The following RFX3 variants were observed in gnomAD, a reference collection of about 807,000 sequenced individuals.
The protein encoded by RFX3 is regulatory factor X3, also known as transcription factor RFX3.
In RFX3, 14 loss-of-function variants were observed where a neutral mutation model predicts 98.6. The observed-to-expected ratio is 0.14, with a 90% CI of 0.09 to 0.22. The LOEUF (loss-of-function observed/expected upper bound fraction) is 0.22, where lower values mean the gene tolerates loss of function less well. RFX3 is among the 10% of genes least tolerant of loss of function. The pLI is 1.00. For missense variants in RFX3, 639 were observed against 926.9 expected, an observed-to-expected ratio of 0.69 and a Z score of 4.03; for synonymous variants, 383 against 328.4, an observed-to-expected ratio of 1.17 and a Z score of -1.80.
chr9:3,367,843 TAAA>T (rs2131505499), intron 2 of RFX3, among the ~76,000 whole-genome samples: 1 of 152,306 alleles, frequency 6.6e-6, no homozygotes, highest in African/African-American at 2.4e-5. Context: ...AATTGAAAAC[TAAA>T]AATATCAAAG....
intron 1 of RFX3, among the ~76,000 whole-genome samples, chr9:3,425,277 T>C (rs1843903756): frequency 6.6e-6 from 1 of 152,216 alleles, no homozygotes; most frequent in Middle Eastern, 3.2e-3. Context: ...AATGATTCCC[T>C]ACTACGTGGC....
chr9:3,319,749 G>A (rs1831038346), intron 4 of RFX3, among the ~76,000 whole-genome samples: 1 of 151,918 alleles, frequency 6.6e-6, no homozygotes, highest in Admixed American at 6.6e-5. Context: ...TTTCAGTGCA[G>A]GAACTAGCTC....
intron 1 of RFX3, among the ~76,000 whole-genome samples, chr9:3,507,045 A>T (rs879415466): frequency 6.6e-6 from 1 of 151,936 alleles, no homozygotes; most frequent in African/African-American, 2.4e-5. Context: ...CATTGTTTCT[A>T]CTAGAAAAAG....
At chr9:3,424,348 CTTTTTTTTTTTTT>C (rs748693786) in intron 1 of RFX3, among the ~76,000 whole-genome samples, 24 of 76,006 alleles carry the variant, frequency 3.2e-4, no homozygotes, top group East Asian at 3.8e-4. Flanking sequence ...ACATAATTGA[CTTTTTTTTTTTTT>C]TTTTTTTTTT....
At chr9:3,330,628 A>G (rs1179273256) in intron 3 of RFX3, 111 bp from the exon 4 acceptor site, 22 of 1,015,832 alleles carry the variant, frequency 2.2e-5, no homozygotes, top group East Asian at 1.0e-4. Flanking sequence ...CCTTTGCAAC[A>G]TGGCAAGTTT....
intron 2 of RFX3, among the ~76,000 whole-genome samples, chr9:3,378,853 G>A (rs1426450295): frequency 6.6e-6 from 1 of 152,040 alleles, no homozygotes; most frequent in Non-Finnish European, 1.5e-5. Context: ...ACCATGCCCG[G>A]CCTTCTTTCT....
At chr9:3,371,342 A>C (rs1241464360) in intron 2 of RFX3, among the ~76,000 whole-genome samples, 1 of 152,154 alleles carries the variant, frequency 6.6e-6, no homozygotes, top group Non-Finnish European at 1.5e-5. Context: ...ATTAATTCTT[A>C]CTCTTTAATT....
At chr9:3,277,667 T>C (rs1825411769) in intron 7 of RFX3, among the ~76,000 whole-genome samples, 1 of 151,918 alleles carries the variant, frequency 6.6e-6, no homozygotes, top group African/African-American at 2.4e-5. Flanking sequence ...AAGGGATGCA[T>C]GAAGGGGACC....
intron 15 of RFX3, among the ~76,000 whole-genome samples, chr9:3,238,757 G>C (rs1300834788): frequency 2.0e-5 from 3 of 152,144 alleles, no homozygotes; most frequent in African/African-American, 7.2e-5. Context: ...TCAGTCCGAG[G>C]CAGGCGGATC....
At chr9:3,297,559 A>AT (rs1828144470) in intron 5 of RFX3, among the ~76,000 whole-genome samples, 1 of 152,004 alleles carries the variant, frequency 6.6e-6, no homozygotes, top group Non-Finnish European at 1.5e-5. Flanking sequence ...AACATTTGTC[A>AT]TTTTTTCCCA....
Position 3,272,948 on chromosome 9 carries a change from A to G in RFX3, c.1087-1830T>C, listed in dbSNP as rs906234532. ...AAATGTGAAATATAATTAGGCAAGT[A>G]AAGAATTTCAGTGTATCTTAAATTC... is the stretch of plus-strand genomic sequence containing the variant. On this transcript the variant is annotated intron_variant, in intron 9 of 16. Coordinates refer to ENST00000617270, the MANE Select transcript of RFX3 (RefSeq NM_001282116.2). Among the ~76,000 whole-genome samples the G allele has an allele frequency of 9.8e-5, 15 of 152,326 alleles. No homozygotes were observed. The East Asian group carries it at 2.9e-3, about 29-fold the overall frequency.
At chr9:3,455,558 T>A (rs945823971) in intron 1 of RFX3, among the ~76,000 whole-genome samples, 8 of 152,178 alleles carry the variant, frequency 5.3e-5, no homozygotes, top group African/African-American at 1.9e-4. Context: ...GAGGTCAGTT[T>A]TTCTGTTTTT....
intron 1 of RFX3, among the ~76,000 whole-genome samples, chr9:3,407,847 A>C (rs1842098711): frequency 6.6e-6 from 1 of 152,158 alleles, no homozygotes; most frequent in Non-Finnish European, 1.5e-5. Flanking sequence ...AAATGATTGA[A>C]TCATGGAATA....
intron 2 of RFX3, among the ~76,000 whole-genome samples, chr9:3,368,732 T>G (rs1044588945): frequency 6.6e-6 from 1 of 152,174 alleles, no homozygotes; most frequent in Non-Finnish European, 1.5e-5. Flanking sequence ...CTAAAATCTA[T>G]CACCCACCTG....
intron 14 of RFX3, among the ~76,000 whole-genome samples, chr9:3,248,955 C>A (rs1462032511): frequency 6.6e-6 from 1 of 152,046 alleles, no homozygotes; most frequent in Non-Finnish European, 1.5e-5. Flanking sequence ...AAAATCTTGG[C>A]TTCAACATGC....
chr9:3,366,979 G>A (rs1330290789), intron 2 of RFX3, among the ~76,000 whole-genome samples: 1 of 151,886 alleles, frequency 6.6e-6, no homozygotes, highest in African/African-American at 2.4e-5. Context: ...CTACCTCACT[G>A]GCTATGAGTA....
At chr9:3,298,684 G>A (rs1019533517) in intron 5 of RFX3, among the ~76,000 whole-genome samples, 2 of 151,632 alleles carry the variant, frequency 1.3e-5, no homozygotes, top group African/African-American at 4.8e-5. Flanking sequence ...TTGAAAATGG[G>A]GTAGAAAATT....
intron 1 of RFX3, among the ~76,000 whole-genome samples, chr9:3,424,430 C>T (rs1843788817): frequency 7.7e-6 from 1 of 129,580 alleles, no homozygotes; most frequent in Non-Finnish European, 1.5e-5. Flanking sequence ...GGCGCGATCT[C>T]GACTCACTGC....
Position 3,341,857 on chromosome 9 carries a change from A to AC in RFX3, c.215+4809_215+4810insG, listed in dbSNP as rs1294272092. On this transcript the variant is annotated intron_variant, in intron 3 of 16. Transcript: ENST00000617270. ...TGTACATACGTAGAAGCATAAATGA[A>AC]GAAAGCACCTCTGCATCTCAATTAC... is the stretch of plus-strand genomic sequence containing the variant. Among the ~76,000 whole-genome samples, 7 of 152,350 alleles carry AC rather than the reference A, an allele frequency of 4.6e-5. No individual in the cohort carries two copies. The South Asian group carries it at 1.2e-3, about 27-fold the overall frequency.
Sources: allele counts gnomAD v4.1 joint callset (sites outside exome capture counted in the v4.1 genomes callset), GRCh38; gene constraint gnomAD v4.1.1; transcripts MANE v1.5; gene names NCBI Gene and HGNC (gene_info 2026-07-23, HGNC 2026-07-21).